Variants in MACROH2A1 observed in about 807,000 individuals in gnomAD.
The protein encoded by MACROH2A1 is core histone macro-H2A.1.
In MACROH2A1, 2 loss-of-function variants were observed where a neutral mutation model predicts 31.6. The ratio of observed to expected loss-of-function variants is 0.06; its 90% CI spans 0.03 to 0.20. MACROH2A1 has a LOEUF of 0.20. MACROH2A1 is among the 10% of genes least tolerant of loss of function. The pLI, the probability that MACROH2A1 is intolerant of heterozygous loss-of-function variation, is 1.00. For synonymous variants in MACROH2A1, 169 were observed against 189.6 expected (o/e 0.89, Z 0.89); for missense variants, 230 against 474.0 (o/e 0.49, Z 4.78).
rs192741896 is a variant in MACROH2A1, at chr5:135,358,023, T to C, written c.588+2474A>G. 2,618 of 984,242 alleles carry C rather than the reference T, an allele frequency of 2.7e-3. 4 individuals are homozygous for C. Among genetic ancestry groups the C allele is most frequent in the South Asian group, 4.2e-3 (89 of 21,260 alleles). The allele number at this position is 984,242 out of a possible 1,614,324, so 61.0% of individuals were successfully genotyped here. On this transcript the variant is annotated intron_variant, in intron 5 of 8. Coordinates refer to ENST00000511689, the MANE Select transcript of MACROH2A1 (RefSeq NM_138610.3). Reference sequence around the variant, plus strand: ...GAGATTCATAGGACACAGGGTACCATATAGTCACCATTCTAAAGTACCCCT... The same window carrying C: ...GAGATTCATAGGACACAGGGTACCACATAGTCACCATTCTAAAGTACCCCT...
intron 8 of MACROH2A1, among the ~76,000 whole-genome samples, chr5:135,341,314 A>C (rs1759815221): frequency 6.6e-6 from 1 of 151,954 alleles, no homozygotes; most frequent in African/African-American, 2.4e-5. Context: ...GAACCCCAGG[A>C]CCAGACAGCC....
At chr5:135,389,173 A>T (rs1287404890) in intron 1 of MACROH2A1, 47 bp from the exon 2 acceptor site, 21 of 1,407,326 alleles carry the variant, frequency 1.5e-5, no homozygotes, top group Non-Finnish European at 2.0e-6. Flanking sequence ...GGGACAGCAC[A>T]TGTCCCCTTT....
intron 1 of MACROH2A1, 122 bp from the exon 2 acceptor site, chr5:135,389,248 C>T (rs2149962817): frequency 1.2e-5 from 7 of 585,266 alleles, no homozygotes; most frequent in South Asian, 6.7e-5. Context: ...TCTGTAGCTG[C>T]AGGGCCCTCC....
chr5:135,362,503 T>G (rs1455435535), intron 4 of MACROH2A1: 2 of 152,212 alleles, frequency 1.3e-5, no homozygotes, highest in Non-Finnish European at 2.9e-5. Flanking sequence ...TTTTTTTTAG[T>G]GAACAAGATT....
intron 8 of MACROH2A1, among the ~76,000 whole-genome samples, chr5:135,340,815 T>C (rs1759705258): frequency 6.6e-6 from 1 of 151,600 alleles, no homozygotes; most frequent in Admixed American, 6.6e-5. Flanking sequence ...TGTAATCCCA[T>C]TTTTTTTTAC....
At chr5:135,380,839 G>GT (rs1660319912) in intron 2 of MACROH2A1, among the ~76,000 whole-genome samples, 1 of 152,188 alleles carries the variant, frequency 6.6e-6, no homozygotes, top group Admixed American at 6.5e-5. Context: ...ATAAGAACTA[G>GT]TAACATGGAT....
chr5:135,393,988 G>A (rs763600509), intron 1 of MACROH2A1, among the ~76,000 whole-genome samples: 1 of 152,138 alleles, frequency 6.6e-6, no homozygotes, highest in African/African-American at 2.4e-5. Context: ...ATCGAGATGC[G>A]ACTGGAGCAA....
chr5:135,343,137 C>T, intron 8 of MACROH2A1, 123 bp downstream of exon 8: 2 of 1,585,038 alleles, frequency 1.3e-6, no homozygotes, highest in East Asian at 2.2e-5. Flanking sequence ...TGTTGTGCTT[C>T]TGGTCTCCTT....
intron 5 of MACROH2A1, chr5:135,358,144 C>T (rs1455248613): frequency 1.0e-6 from 1 of 984,784 alleles, no homozygotes; most frequent in Non-Finnish European, 1.2e-6. Flanking sequence ...ATGATTTTTG[C>T]CTTTTTTACA....
At chr5:135,345,805 T>A (rs1226981019) in intron 7 of MACROH2A1, 163 bp downstream of exon 7, 1 of 567,154 alleles carries the variant, frequency 1.8e-6, no homozygotes, top group Non-Finnish European at 3.2e-6. Flanking sequence ...AACCTGCATG[T>A]GGTGAAACTC....
intron 1 of MACROH2A1, 48 bp from the exon 2 acceptor site, chr5:135,389,174 TGTCCCCTTTCCAGGTACACTCTA>T: frequency 7.0e-7 from 1 of 1,429,776 alleles, no homozygotes; most frequent in South Asian, 1.3e-5. Context: ...GGACAGCACA[TGTCCCCTTTCCAGGTACACTCTA>T]GTCCCCTGGA....
At position 135,334,946 on chromosome 5, in the gene MACROH2A1, A is replaced by G. The variant is rs766176757; in HGVS notation, c.*30T>C. On this transcript the variant is annotated 3_prime_UTR_variant, in exon 9 of 9. Transcript: ENST00000511689. ...TTCTTTTAAACTGAAGGTGGGGTACATGGTGCAGCTGGTTCTGTCATTGCT... is the reference window on the plus strand; with the variant it reads ...TTCTTTTAAACTGAAGGTGGGGTACGTGGTGCAGCTGGTTCTGTCATTGCT... 2 of 1,588,550 alleles carry G rather than the reference A, an allele frequency of 1.3e-6. No individual in the cohort carries two copies. The highest frequency in any genetic ancestry group is 1.7e-6 in the Non-Finnish European group (2 of 1,160,076).
At chr5:135,386,378 T>C (rs2149944423) in intron 2 of MACROH2A1, among the ~76,000 whole-genome samples, 1 of 152,366 alleles carries the variant, frequency 6.6e-6, no homozygotes, top group South Asian at 2.1e-4. Flanking sequence ...GTCATGCCAA[T>C]GACTCAGTGC....
At chr5:135,337,060 T>G (rs1377238360) in intron 8 of MACROH2A1, among the ~76,000 whole-genome samples, 4 of 152,158 alleles carry the variant, frequency 2.6e-5, no homozygotes, top group Admixed American at 6.5e-5. Flanking sequence ...GAAGTTGCAT[T>G]TTGCATGTGA....
intron 2 of MACROH2A1, among the ~76,000 whole-genome samples, chr5:135,381,281 A>T (rs1290172434): frequency 1.3e-5 from 2 of 152,252 alleles, no homozygotes; most frequent in Non-Finnish European, 2.9e-5. Context: ...AAGCATGAAG[A>T]GAAGTCTTTA....
At position 135,370,103 on chromosome 5, in the gene MACROH2A1, T is replaced by G; in HGVS notation, c.212A>C (p.Asn71Thr). The G allele has an allele frequency of 6.2e-7, 1 of 1,613,822 alleles. No homozygotes were observed. Among genetic ancestry groups the G allele is most frequent in the Non-Finnish European group, 8.5e-7 (1 of 1,179,870 alleles). Reference protein sequence around the residue: ...LELAGNAARDNKKGRVTPRHI... With the variant: ...LELAGNAARDTKKGRVTPRHI... ...CCGGGGTGTGACCCGTCCCTTCTTG[T>G]TGTCTCTCGCTGCATTGCCAGCCAG... Residue 71 changes from asparagine to threonine, a missense_variant, in exon 3 of 9, where the codon AAC becomes ACC. Around this residue, in one of 2 missense-constraint regions of MACROH2A1, gnomAD observed 47 missense variants for 154.7 expected, o/e 0.30. Coordinates refer to ENST00000511689, the MANE Select transcript of MACROH2A1 (RefSeq NM_138610.3).
chr5:135,354,991 G>A (rs1319450429), intron 5 of MACROH2A1: 2 of 440,916 alleles, frequency 4.5e-6, no homozygotes, highest in Non-Finnish European at 9.1e-6. Flanking sequence ...AAATTCCTAT[G>A]TTTAAAACAA....
chr5:135,337,370 A>C (rs1758923457), intron 8 of MACROH2A1, among the ~76,000 whole-genome samples: 1 of 152,176 alleles, frequency 6.6e-6, no homozygotes. Flanking sequence ...GCCCATGCCC[A>C]TGCCATGCCA....
intron 2 of MACROH2A1, among the ~76,000 whole-genome samples, chr5:135,385,856 G>A (rs1402750402): frequency 6.6e-6 from 1 of 152,178 alleles, no homozygotes; most frequent in Non-Finnish European, 1.5e-5. Context: ...TTGGCTGGCT[G>A]TCTTTTCCAG....
Sources: gnomAD v4.1 joint callset for allele counts (sites outside exome capture counted in the v4.1 genomes callset) on GRCh38, gnomAD v4.1.1 for gene constraint, gnomAD v4.1.1 regional missense constraint, MANE v1.5 for transcripts, NCBI Gene and HGNC (gene_info 2026-07-23, HGNC 2026-07-21) for gene names.